Variants in OR2AT4 observed in about 807,000 individuals in gnomAD.
OR2AT4 encodes the protein olfactory receptor 2AT4.
OR2AT4 carries 6 observed loss-of-function variants against 10.3 expected under a neutral mutation model. That is an observed-to-expected ratio of 0.58 (90% CI 0.32 to 1.15). The LOEUF (loss-of-function observed/expected upper bound fraction) is 1.15. Among genes scored for constraint, OR2AT4 ranks in the 50% most tolerant of loss-of-function variants. OR2AT4 has a pLI of 0.05. For missense variants in OR2AT4, 354 were observed against 393.8 expected (o/e 0.90, Z 0.85); for synonymous variants, 145 against 159.1 (o/e 0.91, Z 0.67).
At position 75,089,506 on chromosome 11, in the gene OR2AT4, T is replaced by G. The variant is rs763750057; in HGVS notation, c.208A>C (p.Asn70His). Residue 70 changes from asparagine (N) to histidine (H), a missense_variant, in exon 2 of 2, where the codon AAT (asparagine) becomes CAT (histidine). Asn to His is a moderately conservative substitution (Grantham distance 68). Coordinates refer to ENST00000641504, the Ensembl canonical transcript of OR2AT4. ...AAAAGGATGTCCAAGGTGGAGAGATTGATCAGAAAGAAGTACATGGGCTTG... is the reference window on the plus strand; with the variant it reads ...AAAAGGATGTCCAAGGTGGAGAGATGGATCAGAAAGAAGTACATGGGCTTG... The G allele has an allele frequency of 2.3e-5, 37 of 1,613,944 alleles. No homozygotes were observed. The South Asian group carries it at 3.5e-4, about 15-fold the overall frequency.
At chr11:75,085,851 T>A (rs998023294) in exon 2 of OR2AT4, 3 of 152,076 alleles carry the variant, frequency 2.0e-5, no homozygotes, top group African/African-American at 7.2e-5. Flanking sequence ...CTAAAATTTA[T>A]ATCAAAAAGC....
exon 2 of OR2AT4, chr11:75,086,686 A>G (rs1245058509): frequency 6.6e-6 from 1 of 152,240 alleles, no homozygotes; most frequent in Non-Finnish European, 1.5e-5. Flanking sequence ...CAGAGTGGTT[A>G]CATTTGTTAC....
At chr11:75,089,267 C>G (rs1179529365) in exon 2 of OR2AT4, 1 of 1,614,112 alleles carries the variant, frequency 6.2e-7, no homozygotes. Flanking sequence ...CACTGGCTGC[C>G]AAGGTAGCAT....
intron 1 of OR2AT4, among the ~76,000 whole-genome samples, chr11:75,092,929 G>A (rs1378468245): frequency 6.6e-6 from 1 of 151,870 alleles, no homozygotes; most frequent in Non-Finnish European, 1.5e-5. Context: ...GTGAAACCTC[G>A]TCCGTACTAA....
exon 2 of OR2AT4, chr11:75,089,870 G>T: frequency 1.3e-6 from 1 of 743,022 alleles, no homozygotes; most frequent in Non-Finnish European, 2.1e-6. Flanking sequence ...CAACTGTAGA[G>T]GACTGATGAG....
At chr11:75,089,353 C>G (rs1326524589) in exon 2 of OR2AT4, 1 of 1,613,972 alleles carries the variant, frequency 6.2e-7, no homozygotes, top group Non-Finnish European at 8.5e-7. Context: ...GCCATGACCA[C>G]CAGGATGAAG....
chr11:75,091,386 G>A (rs1011357431), intron 1 of OR2AT4, among the ~76,000 whole-genome samples: 1 of 152,160 alleles, frequency 6.6e-6, no homozygotes, highest in Non-Finnish European at 1.5e-5. Context: ...GTATAACTAT[G>A]TTTATATATT....
chr11:75,086,495 C>T (rs948051874), exon 2 of OR2AT4: 1 of 152,044 alleles, frequency 6.6e-6, no homozygotes, highest in Non-Finnish European at 1.5e-5. Flanking sequence ...GGTATGAAAA[C>T]AAACAACCTG....
intron 1 of OR2AT4, among the ~76,000 whole-genome samples, chr11:75,093,592 G>A (rs1450698915): frequency 6.6e-6 from 1 of 152,084 alleles, no homozygotes; most frequent in African/African-American, 2.4e-5. Context: ...AAACAATCCA[G>A]GAGGAAGTTC....
In OR2AT4 at chr11:75,096,845, G is replaced by C. The variant is rs1014860295; in HGVS notation, c.-669C>G. On this transcript the variant is annotated 5_prime_UTR_variant, in exon 1 of 2. The change creates a new upstream start codon in the 5' untranslated region. Transcript: ENST00000641504. ...TCACCTACCAATCCTGGTCCGCCTT[G>C]ATGTCTTGTGTAGAGTCGTCACAGT... 3.3e-5 allele frequency: 5 copies of C among 152,526 alleles called. No individual in the cohort carries two copies. Among genetic ancestry groups the C allele is most frequent in the Admixed American group, 2.0e-4 (3 of 15,286 alleles). 9.4% of individuals were successfully genotyped at this position (152,526 alleles called of 1,614,324 possible).
chr11:75,086,782 T>C (rs1339533523), exon 2 of OR2AT4: 1 of 152,210 alleles, frequency 6.6e-6, no homozygotes, highest in East Asian at 1.9e-4. Context: ...TTGACAAATA[T>C]ATAACATGTA....
chr11:75,091,231 T>TGAATC (rs1363780903), intron 1 of OR2AT4, among the ~76,000 whole-genome samples: 1 of 152,226 alleles, frequency 6.6e-6, no homozygotes, highest in Non-Finnish European at 1.5e-5. Context: ...GGGGCCTCTG[T>TGAATC]GAATCTAATA....
At chr11:75,084,076 A>G (rs908694618) in exon 2 of OR2AT4, 1 of 152,264 alleles carries the variant, frequency 6.6e-6, no homozygotes, top group African/African-American at 2.4e-5. Flanking sequence ...GGAGCCCATT[A>G]TCCTAAGCGA....
At chr11:75,087,503 A>C (rs1949296433) in exon 2 of OR2AT4, 1 of 152,178 alleles carries the variant, frequency 6.6e-6, no homozygotes, top group African/African-American at 2.4e-5. Flanking sequence ...TGGGAGGATC[A>C]CTTGAGCCCT....
chr11:75,095,440 CTTCTGTTT>C (rs1177491634), intron 1 of OR2AT4, among the ~76,000 whole-genome samples: 2 of 152,134 alleles, frequency 1.3e-5, no homozygotes, highest in Non-Finnish European at 2.9e-5. Context: ...AGTTCCTGTG[CTTCTGTTT>C]GTCATTATTA....
At chr11:75,089,010 G>A (rs1949304769) in exon 2 of OR2AT4, 1 of 1,614,026 alleles carries the variant, frequency 6.2e-7, no homozygotes, top group African/African-American at 1.3e-5. Flanking sequence ...TCCTTCTAGG[G>A]AACTGATGCG....
exon 2 of OR2AT4, chr11:75,089,653 T>A (rs1257737996): frequency 1.2e-6 from 2 of 1,613,682 alleles, no homozygotes; most frequent in Non-Finnish European, 1.7e-6. Flanking sequence ...AGAGAGGGGA[T>A]GCCCAATAGA....
exon 2 of OR2AT4, chr11:75,088,511 C>T (rs1202483609): frequency 4.2e-5 from 14 of 331,688 alleles, no homozygotes; most frequent in Non-Finnish European, 6.5e-5. Context: ...TGAATATTTG[C>T]CTTTCCCTGT....
At chr11:75,086,559 A>G (rs1949291888) in exon 2 of OR2AT4, 1 of 152,198 alleles carries the variant, frequency 6.6e-6, no homozygotes, top group Admixed American at 6.5e-5. Flanking sequence ...AGATATATGG[A>G]TAGAAAATGA....
Sources: allele counts gnomAD v4.1 joint callset (sites outside exome capture counted in the v4.1 genomes callset), GRCh38; gene constraint gnomAD v4.1.1; transcripts MANE v1.5; gene names NCBI Gene and HGNC (gene_info 2026-07-23, HGNC 2026-07-21).